AGBL1: variants seen among roughly 807,000 people sequenced by gnomAD.
AGBL1 encodes the protein AGBL carboxypeptidase 1, also known as cytosolic carboxypeptidase 4.
Under a neutral mutation model 118.9 loss-of-function variants are expected in AGBL1, and 130 were observed. That is an observed-to-expected ratio of 1.09 (90% CI 0.95 to 1.26). The LOEUF (loss-of-function observed/expected upper bound fraction) is 1.26, where lower values mean the gene tolerates loss of function less well. AGBL1 is among the 50% of genes most tolerant of loss of function. AGBL1 has a pLI of 0.00. For missense variants in AGBL1, 1,584 were observed against 1,298.1 expected (o/e 1.22, Z -3.38); for synonymous variants, 555 against 478.9 (o/e 1.16, Z -2.08).
chr15:86,205,616 G>A (rs996957087), intron 5 of AGBL1, among the ~76,000 whole-genome samples: 4 of 152,160 alleles, frequency 2.6e-5, no homozygotes, highest in Non-Finnish European at 4.4e-5. Flanking sequence ...ACCATTCGTC[G>A]GTATTGTCAG....
At chr15:86,319,843 G>A (rs142533012) in intron 17 of AGBL1, among the ~76,000 whole-genome samples, 1 of 128,582 alleles carries the variant, frequency 7.8e-6, no homozygotes, top group East Asian at 2.6e-4. Flanking sequence ...TGCCACCTTC[G>A]CCTCCTGGGT....
intron 18 of AGBL1, among the ~76,000 whole-genome samples, chr15:86,459,748 G>C (rs1352623436): frequency 6.6e-6 from 1 of 152,030 alleles, no homozygotes; most frequent in African/African-American, 2.4e-5. Flanking sequence ...TTGAACTTAG[G>C]TCTCTGACTC....
At chr15:86,583,103 A>G (rs2142335587) in intron 21 of AGBL1, among the ~76,000 whole-genome samples, 1 of 151,964 alleles carries the variant, frequency 6.6e-6, no homozygotes. Flanking sequence ...ATGATTAGCT[A>G]TTATTTTATC....
At chr15:86,998,855 TTA>T (rs779234911) in intron 24 of AGBL1, among the ~76,000 whole-genome samples, 9 of 150,802 alleles carry the variant, frequency 6.0e-5, no homozygotes, top group Non-Finnish European at 1.0e-4. Context: ...ATTTTTTCTT[TTA>T]TATATATATA....
intron 18 of AGBL1, among the ~76,000 whole-genome samples, chr15:86,506,190 G>A (rs975839697): frequency 5.9e-5 from 9 of 151,974 alleles, no homozygotes; most frequent in Non-Finnish European, 1.3e-4. Context: ...AGAACCTCAA[G>A]GTTTGTCAGG....
chr15:86,855,506 T>C (rs1222587765), intron 22 of AGBL1, among the ~76,000 whole-genome samples: 1 of 152,176 alleles, frequency 6.6e-6, no homozygotes. Context: ...GAACATGGCA[T>C]CCACGTGGGA....
At chr15:86,282,338 T>C (rs771689168) in intron 16 of AGBL1, among the ~76,000 whole-genome samples, 5 of 152,196 alleles carry the variant, frequency 3.3e-5, no homozygotes, top group African/African-American at 4.8e-5. Context: ...TTAACAATAT[T>C]AATAACTATT....
At chr15:86,187,274 G>T (rs1044710208) in intron 5 of AGBL1, among the ~76,000 whole-genome samples, 2 of 152,174 alleles carry the variant, frequency 1.3e-5, no homozygotes, top group Non-Finnish European at 2.9e-5. Context: ...GAAGATCCCT[G>T]CTTCCTTTTT....
At chr15:86,688,645 C>A (rs1402392877) in intron 22 of AGBL1, among the ~76,000 whole-genome samples, 1 of 152,090 alleles carries the variant, frequency 6.6e-6, no homozygotes, top group Admixed American at 6.6e-5. Flanking sequence ...ACTCAAACTA[C>A]CAAATATTTC....
intron 5 of AGBL1, among the ~76,000 whole-genome samples, chr15:86,222,475 T>C (rs941269715): frequency 6.6e-6 from 1 of 152,154 alleles, no homozygotes; most frequent in African/African-American, 2.4e-5. Flanking sequence ...CTCTCGTTAA[T>C]TTTTTGCTCA....
At chr15:86,176,052 G>C (rs141339541) in intron 5 of AGBL1, among the ~76,000 whole-genome samples, 1 of 152,174 alleles carries the variant, frequency 6.6e-6, no homozygotes, top group Non-Finnish European at 1.5e-5. Flanking sequence ...TTTCTGTCTA[G>C]ATTATCTGTC....
At chr15:86,339,922 T>A (rs2080435831) in intron 17 of AGBL1, among the ~76,000 whole-genome samples, 1 of 151,764 alleles carries the variant, frequency 6.6e-6, no homozygotes, top group Non-Finnish European at 1.5e-5. Flanking sequence ...GCCGGGATTG[T>A]GCCACTGCCC....
intron 21 of AGBL1, among the ~76,000 whole-genome samples, chr15:86,574,797 C>A (rs1023931416): frequency 6.7e-6 from 1 of 149,302 alleles, no homozygotes; most frequent in Non-Finnish European, 1.5e-5. Context: ...AGGCTGGTCT[C>A]GAACTCCTGA....
chr15:86,483,184 C>T (rs955202963), intron 18 of AGBL1, among the ~76,000 whole-genome samples: 2 of 152,196 alleles, frequency 1.3e-5, no homozygotes, highest in East Asian at 1.9e-4. Context: ...TCTGAGGGTG[C>T]AGTTTTCAGT....
chr15:86,920,069 C>A (rs1301107476), downstream of AGBL1, among the ~76,000 whole-genome samples: 1 of 152,180 alleles, frequency 6.6e-6, no homozygotes, highest in Non-Finnish European at 1.5e-5. Flanking sequence ...AAGTCAGAAG[C>A]ACAGGGAACC....
chr15:86,445,570 A>G (rs983242734), intron 18 of AGBL1, among the ~76,000 whole-genome samples: 1 of 152,224 alleles, frequency 6.6e-6, no homozygotes, highest in African/African-American at 2.4e-5. Flanking sequence ...ATAGAAAATA[A>G]ACAAGTGCCT....
At position 86,380,215 on chromosome 15, in the gene AGBL1, C is replaced by T. The variant is rs150732279; in HGVS notation, c.2375-17151C>T. On this transcript the variant is annotated intron_variant, in intron 17 of 22. Coordinates refer to ENST00000614907, the MANE Select transcript of AGBL1 (RefSeq NM_001386094.1). ...TTCTGGACCCAGAGTTCCCTTCCTC[C>T]CTCTCTCATTCCCTCCCCTGCCTGC... Among the ~76,000 whole-genome samples the T allele has an allele frequency of 3.6e-4, 54 of 151,890 alleles. No individual in the cohort carries two copies. In the East Asian group the frequency reaches 0.01, roughly 29 times the overall value.
chr15:86,938,804 G>A (rs778119666), intron 23 of AGBL1: 1 of 152,128 alleles, frequency 6.6e-6, no homozygotes, highest in Non-Finnish European at 1.5e-5. Context: ...CAGTAGAAGT[G>A]AACTTCTCCC....
At chr15:86,751,125 G>T (rs528979380) in intron 22 of AGBL1, among the ~76,000 whole-genome samples, 31 of 152,084 alleles carry the variant, frequency 2.0e-4, no homozygotes, top group Non-Finnish European at 2.9e-4. Flanking sequence ...CTTTATAATA[G>T]AATGACATAT....
Sources: gnomAD v4.1 joint callset for allele counts (sites outside exome capture counted in the v4.1 genomes callset) on GRCh38, gnomAD v4.1.1 for gene constraint, MANE v1.5 for transcripts, NCBI Gene and HGNC (gene_info 2026-07-23, HGNC 2026-07-21) for gene names.